The following NALF1 variants were observed in gnomAD, a reference collection of about 807,000 sequenced individuals.
NALF1 encodes family with sequence similarity 155 member A.
In NALF1, 3 loss-of-function variants were observed where a neutral mutation model predicts 48.4. The ratio of observed to expected loss-of-function variants is 0.06; its 90% CI spans 0.03 to 0.16. The LOEUF is 0.16. NALF1 is among the 10% of genes least tolerant of loss of function. The pLI, the probability that NALF1 is intolerant of heterozygous loss-of-function variation, is 1.00. For synonymous variants in NALF1, 262 were observed against 245.7 expected (o/e 1.07, Z -0.62); for missense variants, 526 against 571.5 (o/e 0.92, Z 0.81).
chr13:107,636,624 T>C lies in NALF1; in HGVS notation c.915+229058A>G, dbSNP rs550207916. 2.2e-4 allele frequency among the ~76,000 whole-genome samples: 33 copies of C among 152,280 alleles called. 1 individual carries two copies. Among genetic ancestry groups the C allele is most frequent in the African/African-American group, 7.2e-4 (30 of 41,572 alleles). On this transcript the variant is annotated intron_variant, in intron 1 of 2. Coordinates refer to ENST00000375915, the MANE Select transcript of NALF1 (RefSeq NM_001080396.3). ...ATGCTTCTTACTTTTTAACTCTTCT[T>C]GTACAATTTTGTATGGTAAAGGGAA...
intron 1 of NALF1, among the ~76,000 whole-genome samples, chr13:107,648,587 G>T (rs1017980295): frequency 6.6e-6 from 1 of 152,052 alleles, no homozygotes; most frequent in African/African-American, 2.4e-5. Context: ...TTCACCTATT[G>T]TAGGACATCT....
At chr13:107,349,346 C>A (rs575648576) in intron 1 of NALF1, among the ~76,000 whole-genome samples, 2 of 152,076 alleles carry the variant, frequency 1.3e-5, no homozygotes, top group Admixed American at 1.3e-4. Context: ...ATAAAAGTGA[C>A]GTCTGCCCCT....
At chr13:107,445,183 C>T (rs1450673526) in intron 1 of NALF1, among the ~76,000 whole-genome samples, 1 of 152,094 alleles carries the variant, frequency 6.6e-6, no homozygotes, top group Non-Finnish European at 1.5e-5. Context: ...AAGGAGTCAC[C>T]ACCACAATGA....
intron 1 of NALF1, among the ~76,000 whole-genome samples, chr13:107,382,989 G>C (rs9670702): frequency 0.62 from 94,162 of 151,990 alleles, 29,276 homozygotes; most frequent in Middle Eastern, 0.7. Context: ...GCTGCAATCA[G>C]CAGTGAGAAC....
At chr13:107,702,848 C>T (rs1881856713) in intron 1 of NALF1, among the ~76,000 whole-genome samples, 1 of 152,130 alleles carries the variant, frequency 6.6e-6, no homozygotes, top group African/African-American at 2.4e-5. Flanking sequence ...CATCCAGCTC[C>T]ATCCATGTCC....
chr13:107,339,138 G>GAA (rs3072810), intron 1 of NALF1, among the ~76,000 whole-genome samples: 3 of 121,174 alleles, frequency 2.5e-5, no homozygotes, highest in Admixed American at 8.4e-5. Context: ...TGTCTCAGAA[G>GAA]AAAAAAAAAA....
chr13:107,727,500 C>T (rs113570847), intron 1 of NALF1, among the ~76,000 whole-genome samples: 5,727 of 152,182 alleles, frequency 0.038, 110 homozygotes, highest in Non-Finnish European at 0.045. Context: ...TAAAAGGCTT[C>T]CTTGAGTCCA....
chr13:107,770,495 T>C (rs1166652219), intron 1 of NALF1, among the ~76,000 whole-genome samples: 7 of 152,232 alleles, frequency 4.6e-5, no homozygotes. Context: ...ATAAGAGCTC[T>C]ACGTTTTAAG....
intron 1 of NALF1, among the ~76,000 whole-genome samples, chr13:107,284,450 A>T (rs1466418324): frequency 6.6e-6 from 1 of 152,206 alleles, no homozygotes; most frequent in African/African-American, 2.4e-5. Context: ...ATGTGCTCAA[A>T]AAGCTAAAGG....
intron 1 of NALF1, among the ~76,000 whole-genome samples, chr13:107,215,850 CAGA>C (rs60575667): frequency 0.36 from 55,155 of 151,810 alleles, 11,141 homozygotes; most frequent in South Asian, 0.56. Context: ...ATTTTTCCAG[CAGA>C]AGGTCAGCTT....
At chr13:107,457,290 C>T (rs1008843237) in intron 1 of NALF1, among the ~76,000 whole-genome samples, 3 of 152,188 alleles carry the variant, frequency 2.0e-5, no homozygotes, top group South Asian at 2.1e-4. Context: ...GAGGGAATTT[C>T]GAGGCATTTG....
In NALF1 at chr13:107,169,423, G is replaced by A. The variant is rs199830158; in HGVS notation, c.*1074C>T. The stretch of plus-strand genomic sequence containing the variant: ...CCAGATATGTGTCCGCAATCCCTTT[G>A]TTTGTTCCCTGTAATTACAATGGCC... On this transcript the variant is annotated 3_prime_UTR_variant, in exon 3 of 3. Coordinates refer to ENST00000375915, the MANE Select transcript of NALF1 (RefSeq NM_001080396.3). 7.9e-5 allele frequency: 1 copy of A among 12,720 alleles called. No homozygotes were observed. The allele number at this position is 12,720 out of a possible 1,614,324, so 0.8% of individuals were successfully genotyped here.
At chr13:107,590,127 T>C (rs1566405610) in intron 1 of NALF1, among the ~76,000 whole-genome samples, 1 of 152,004 alleles carries the variant, frequency 6.6e-6, no homozygotes, top group African/African-American at 2.4e-5. Flanking sequence ...ACCACCATCA[T>C]AAAGTTAGAA....
At chr13:107,212,645 T>C (rs1160666871) in intron 1 of NALF1, among the ~76,000 whole-genome samples, 2 of 152,180 alleles carry the variant, frequency 1.3e-5, no homozygotes, top group East Asian at 1.9e-4. Context: ...CAAAATGCCA[T>C]AGACATTGAC....
At chr13:107,825,219 T>A (rs1879477662) in intron 1 of NALF1, among the ~76,000 whole-genome samples, 1 of 152,226 alleles carries the variant, frequency 6.6e-6, no homozygotes, top group African/African-American at 2.4e-5. Flanking sequence ...AAAATCTACC[T>A]TCCAAAATTC....
chr13:107,241,257 C>T (rs556659742), intron 1 of NALF1, among the ~76,000 whole-genome samples: 2 of 152,062 alleles, frequency 1.3e-5, no homozygotes, highest in East Asian at 3.9e-4. Flanking sequence ...TAGCCAAAAG[C>T]CTCATTATCA....
At chr13:107,338,880 C>T (rs978750163) in intron 1 of NALF1, among the ~76,000 whole-genome samples, 6 of 152,028 alleles carry the variant, frequency 3.9e-5, no homozygotes, top group African/African-American at 1.4e-4. Flanking sequence ...TGCCTGTAAT[C>T]CCAGTACTTT....
At chr13:107,850,865 T>C (rs574990292) in intron 1 of NALF1, among the ~76,000 whole-genome samples, 15 of 151,532 alleles carry the variant, frequency 9.9e-5, no homozygotes, top group Non-Finnish European at 1.8e-4. Flanking sequence ...ATAGCACTCC[T>C]GCACTCCAGC....
At chr13:107,858,006 T>C (rs561363737) in intron 1 of NALF1, among the ~76,000 whole-genome samples, 1 of 152,292 alleles carries the variant, frequency 6.6e-6, no homozygotes, top group South Asian at 2.1e-4. Context: ...TTTATTTCCA[T>C]CCCACCAAAA....
Sources: allele counts gnomAD v4.1 joint callset (sites outside exome capture counted in the v4.1 genomes callset), GRCh38; gene constraint gnomAD v4.1.1; transcripts MANE v1.5; gene names NCBI Gene and HGNC (gene_info 2026-07-23, HGNC 2026-07-21).